The following DOK5 variants were observed in gnomAD, a reference collection of about 807,000 sequenced individuals.
DOK5 encodes the protein downstream of tyrosine kinase 5.
Under a neutral mutation model 43.3 loss-of-function variants are expected in DOK5, and 27 were observed. The observed-to-expected ratio is 0.62, with a 90% CI of 0.46 to 0.86. The LOEUF is 0.86. DOK5 is among the 40% of genes least tolerant of loss of function. DOK5 has a pLI of 0.00. For missense variants in DOK5, 373 were observed against 392.9 expected, an observed-to-expected ratio of 0.95 and a Z score of 0.43; for synonymous variants, 146 against 140.1, an observed-to-expected ratio of 1.04 and a Z score of -0.30.
At chr20:54,507,070 A>T (rs1982834449) in intron 1 of DOK5, among the ~76,000 whole-genome samples, 1 of 152,212 alleles carries the variant, frequency 6.6e-6, no homozygotes. Context: ...GTATAACATA[A>T]AGGATTCTAT....
intron 6 of DOK5, among the ~76,000 whole-genome samples, chr20:54,641,968 C>T (rs754067927): frequency 7.2e-5 from 11 of 152,124 alleles, no homozygotes; most frequent in Admixed American, 3.3e-4. Flanking sequence ...ATTTGATATT[C>T]AAGCATCCAG....
At chr20:54,636,620 C>T (rs1203555202) in intron 6 of DOK5, among the ~76,000 whole-genome samples, 5 of 152,182 alleles carry the variant, frequency 3.3e-5, no homozygotes, top group Non-Finnish European at 7.3e-5. Context: ...CCCCCATCCC[C>T]TAACCCCTTG....
intron 1 of DOK5, among the ~76,000 whole-genome samples, chr20:54,482,719 A>G (rs35439828): frequency 0.012 from 1,763 of 152,292 alleles, 16 homozygotes; most frequent in Middle Eastern, 0.037. Flanking sequence ...CTGGCCTTGT[A>G]TGCCTGACTT....
intron 1 of DOK5, among the ~76,000 whole-genome samples, chr20:54,513,455 C>A (rs1353665003): frequency 1.8e-5 from 2 of 113,952 alleles, no homozygotes; most frequent in African/African-American, 6.9e-5. Context: ...GCTTTAAATA[C>A]TCTGAGCAAA....
rs114331113 is a variant in DOK5 at position 54,633,883 on chromosome 20, G to A, written c.736-9575G>A. Reference sequence around the variant, plus strand: ...CATATGGTACTCATGATTGACTGTCGCAGAAAACAATTACATCCTGTCGTG... The same window carrying A: ...CATATGGTACTCATGATTGACTGTCACAGAAAACAATTACATCCTGTCGTG... On this transcript the variant is annotated intron_variant, in intron 6 of 7. Coordinates refer to ENST00000262593, the MANE Select transcript of DOK5 (RefSeq NM_018431.5). Among the ~76,000 whole-genome samples the A allele has an allele frequency of 3.6e-3, 548 of 152,218 alleles. 1 individual carries two copies. The highest frequency in any genetic ancestry group is 0.012 in the African/African-American group (510 of 41,530).
At chr20:54,503,666 A>G (rs1982695844) in intron 1 of DOK5, among the ~76,000 whole-genome samples, 1 of 152,194 alleles carries the variant, frequency 6.6e-6, no homozygotes, top group South Asian at 2.1e-4. Context: ...GAAGCTGCAT[A>G]AATTGGAGCT....
intron 2 of DOK5, among the ~76,000 whole-genome samples, chr20:54,556,375 G>A (rs1194056537): frequency 6.6e-6 from 1 of 152,148 alleles, no homozygotes; most frequent in African/African-American, 2.4e-5. Context: ...TCTCAGGGAG[G>A]AGTTGTTGAA....
At chr20:54,551,034 A>G (rs553926421) in intron 1 of DOK5, among the ~76,000 whole-genome samples, 5 of 152,118 alleles carry the variant, frequency 3.3e-5, no homozygotes, top group African/African-American at 1.2e-4. Context: ...GAGTCATCCA[A>G]TTTTTCCACA....
At chr20:54,631,680 A>T (rs1168814958) in intron 6 of DOK5, among the ~76,000 whole-genome samples, 1 of 152,202 alleles carries the variant, frequency 6.6e-6, no homozygotes, top group Non-Finnish European at 1.5e-5. Context: ...ACATGTTAAA[A>T]AATGTGTAAT....
chr20:54,540,303 C>T (rs1437558210), intron 1 of DOK5, among the ~76,000 whole-genome samples: 1 of 152,116 alleles, frequency 6.6e-6, no homozygotes, highest in Non-Finnish European at 1.5e-5. Flanking sequence ...AGTAAAGTTT[C>T]TGGACTTTGC....
chr20:54,530,019 CTT>C lies in DOK5; in HGVS notation c.67-24910_67-24909del, dbSNP rs1366685410. On this transcript the variant is annotated intron_variant, in intron 1 of 7. Coordinates refer to ENST00000262593, the MANE Select transcript of DOK5 (RefSeq NM_018431.5). ...AATTAAGTTTAGCCTACAACTGTCT[CTT>C]TTTATATATTTTAAGTTTAGCCTAA... Among the ~76,000 whole-genome samples, 3 of 152,152 alleles carry C rather than the reference CTT, an allele frequency of 2.0e-5. No homozygotes were observed. In the East Asian group the frequency reaches 5.8e-4, roughly 29 times the overall value.
intron 1 of DOK5, among the ~76,000 whole-genome samples, chr20:54,508,823 G>C (rs1600669897): frequency 6.6e-6 from 1 of 151,040 alleles, no homozygotes; most frequent in East Asian, 2.0e-4. Flanking sequence ...CAGGTGATCT[G>C]CACCCCTTGG....
intron 1 of DOK5, among the ~76,000 whole-genome samples, chr20:54,476,710 A>G (rs1006967542): frequency 2.0e-5 from 3 of 152,152 alleles, no homozygotes; most frequent in Non-Finnish European, 2.9e-5. Flanking sequence ...AGTGCTCCCT[A>G]CATATGTCCT....
rs571595391 is a variant in DOK5 at position 54,610,490 on chromosome 20, C to G, written c.702C>G (p.His234Gln). Reference protein sequence around the residue: ...HSAALAIAEQHERLLQSVKNS... With the variant: ...HSAALAIAEQQERLLQSVKNS... ...CTGCCTTGGCCATAGCCGAGCAGCA[C>G]GAGCGCTTGCTACAGAGTGTGAAAA... The change falls in exon 6 of 8, where the codon CAC becomes CAG. Residue 234 changes from histidine to glutamine, a missense_variant. His to Gln is a conservative substitution (Grantham distance 24, BLOSUM62 0). Transcript: ENST00000262593. 6.4e-7 allele frequency: 1 copy of G among 1,554,358 alleles called. No homozygotes were observed. Among genetic ancestry groups the G allele is most frequent in the Non-Finnish European group, 8.7e-7 (1 of 1,150,428 alleles).
intron 7 of DOK5, among the ~76,000 whole-genome samples, chr20:54,644,027 T>C (rs898081886): frequency 3.9e-5 from 6 of 152,056 alleles, no homozygotes; most frequent in Admixed American, 3.9e-4. Context: ...CCAGACCTAC[T>C]GAATCAGGAG....
intron 6 of DOK5, among the ~76,000 whole-genome samples, chr20:54,626,784 C>A (rs893637504): frequency 2.6e-5 from 4 of 152,168 alleles, no homozygotes; most frequent in African/African-American, 9.7e-5. Flanking sequence ...TTTTTCCGTT[C>A]AACAGTAAAC....
At chr20:54,603,555 A>G (rs954485657) in intron 5 of DOK5, among the ~76,000 whole-genome samples, 1 of 152,168 alleles carries the variant, frequency 6.6e-6, no homozygotes, top group Non-Finnish European at 1.5e-5. Flanking sequence ...GTCTATTTCA[A>G]TGATTTTCAA....
chr20:54,541,726 C>T (rs866601278), intron 1 of DOK5, among the ~76,000 whole-genome samples: 36 of 152,136 alleles, frequency 2.4e-4, no homozygotes, highest in African/African-American at 8.0e-4. Context: ...TGTGAACCAC[C>T]GTGCCCGGCC....
At chr20:54,569,542 C>T (rs772849604) in intron 2 of DOK5, among the ~76,000 whole-genome samples, 1 of 152,096 alleles carries the variant, frequency 6.6e-6, no homozygotes, top group Non-Finnish European at 1.5e-5. Context: ...TGTTTGTGGA[C>T]GAAACAGTCT....
Sources: gnomAD v4.1 joint callset for allele counts (sites outside exome capture counted in the v4.1 genomes callset) on GRCh38, gnomAD v4.1.1 for gene constraint, MANE v1.5 for transcripts, NCBI Gene and HGNC (gene_info 2026-07-23, HGNC 2026-07-21) for gene names.